PARD6G: variants seen among roughly 807,000 people sequenced by gnomAD.
PARD6G encodes the protein partitioning defective 6 homolog gamma.
Under a neutral mutation model 10.7 loss-of-function variants are expected in PARD6G, and 7 were observed. The ratio of observed to expected loss-of-function variants is 0.66; its 90% confidence interval spans 0.37 to 1.23. The LOEUF is 1.23. PARD6G is among the 50% of genes most tolerant of loss of function. The probability of loss-of-function intolerance (pLI) is 0.02; values close to 1 mark genes in which losing one functional copy is unlikely to be tolerated. For synonymous variants in PARD6G, 287 were observed against 269.4 expected (o/e 1.07, Z -0.64); for missense variants, 548 against 571.8 (o/e 0.96, Z 0.42).
intron 2 of PARD6G, among the ~76,000 whole-genome samples, chr18:80,185,632 ACC>A (rs1014882955): frequency 5.3e-5 from 8 of 151,602 alleles, no homozygotes; most frequent in Admixed American, 1.3e-4. Context: ...ACACACATGC[ACC>A]CTCACACACG....
chr18:80,184,532 C>A lies in PARD6G; in HGVS notation c.295+18178G>T, dbSNP rs62101573. 0.15 allele frequency: 22,290 copies of A among 146,920 alleles called. 2,248 individuals carry two copies. The highest frequency in any genetic ancestry group is 0.4 in the East Asian group (2,055 of 5,076). 9.1% of individuals were successfully genotyped at this position (146,920 alleles called of 1,614,324 possible). On this transcript the variant is annotated intron_variant, in intron 2 of 2. Transcript: ENST00000353265. This position sits in a 1 kb window ranked among gnomAD's most constrained non-coding sequence, Gnocchi z 4.5. ...GGGAGCAAGGCCGTGAAACCCGCAG[C>A]GGGAGCAAGGCAGTGAAACCCTCAG...
At chr18:80,207,845 G>A (rs1291580014) in intron 1 of PARD6G, among the ~76,000 whole-genome samples, 1 of 152,114 alleles carries the variant, frequency 6.6e-6, no homozygotes. Context: ...CAGGGGTAAC[G>A]AAGCATAAGT....
Position 80,200,034 on chromosome 18 carries a change from T to A in PARD6G, c.295+2676A>T, listed in dbSNP as rs1966994626. Among the ~76,000 whole-genome samples, 1 of 152,162 alleles carries A rather than the reference T, an allele frequency of 6.6e-6. No homozygotes were observed. The highest frequency in any genetic ancestry group is 2.4e-5 in the African/African-American group (1 of 41,416). ...TGACTTTTCCTCTGTGATAGTAAAT[T>A]CCCTCTTAACATATATTTAAATAAA... On this transcript the variant is annotated intron_variant, in intron 2 of 2. Transcript: ENST00000353265. The surrounding 1 kb of genome is among the most constrained non-coding windows in gnomAD (Gnocchi z 4.4).
At chr18:80,238,754 C>G (rs1006308948) in intron 1 of PARD6G, among the ~76,000 whole-genome samples, 7 of 151,322 alleles carry the variant, frequency 4.6e-5, no homozygotes, top group African/African-American at 1.7e-4. Flanking sequence ...TCTGGGACAG[C>G]TTCCTGAACA....
chr18:80,240,288 C>T (rs1350106029), intron 1 of PARD6G, among the ~76,000 whole-genome samples: 6 of 152,206 alleles, frequency 3.9e-5, no homozygotes, highest in African/African-American at 1.4e-4. Context: ...TCAATAGTTC[C>T]CAAAAGTCCT....
intron 2 of PARD6G, among the ~76,000 whole-genome samples, chr18:80,194,601 T>A (rs564388104): frequency 1.8e-3 from 278 of 152,060 alleles, no homozygotes; most frequent in Non-Finnish European, 1.9e-3. Context: ...CCCCCCGAGA[T>A]CTTAGTTCCG....
intron 1 of PARD6G, among the ~76,000 whole-genome samples, chr18:80,240,258 C>A (rs1431471771): frequency 6.6e-6 from 1 of 152,232 alleles, no homozygotes; most frequent in Non-Finnish European, 1.5e-5. Context: ...TATGACACTG[C>A]AAAATATAAT....
chr18:80,210,180 GA>G (rs1355715038), intron 1 of PARD6G, among the ~76,000 whole-genome samples: 1 of 152,222 alleles, frequency 6.6e-6, no homozygotes, highest in Non-Finnish European at 1.5e-5. Flanking sequence ...CAGGAAAGAT[GA>G]CAGGACAGTG....
Position 80,159,756 on chromosome 18 carries a change from G to C in PARD6G, c.*15C>G. 7.2e-7 allele frequency: 1 copy of C among 1,385,582 alleles called. No homozygotes were observed. Among genetic ancestry groups the C allele is most frequent in the East Asian group, 3.1e-5 (1 of 32,714 alleles). The allele number at this position is 1,385,582 out of a possible 1,614,324, so 85.8% of individuals were successfully genotyped here. A position where few individuals can be genotyped will look rare whatever the true frequency, so the allele number is the denominator to read the frequency against. ...CCGGGGAACTGGAGCTAGGATTTGG[G>C]GGCCTCTCGGGAGTCTAGAGCGTGA... On this transcript the variant is annotated 3_prime_UTR_variant, in exon 3 of 3. Transcript: ENST00000353265.
chr18:80,167,195 G>A (rs2052741841), intron 2 of PARD6G, among the ~76,000 whole-genome samples: 1 of 152,156 alleles, frequency 6.6e-6, no homozygotes, highest in Non-Finnish European at 1.5e-5. Context: ...GGACGTGTGT[G>A]CAGGATAACA....
At chr18:80,215,404 A>G (rs1350135828) in intron 1 of PARD6G, among the ~76,000 whole-genome samples, 1 of 152,202 alleles carries the variant, frequency 6.6e-6, no homozygotes, top group Non-Finnish European at 1.5e-5. Context: ...CTTCTGATTT[A>G]AAAGGACAAC....
At position 80,174,928 on chromosome 18, in the gene PARD6G, G is replaced by A. The variant is rs188684949; in HGVS notation, c.296-14322C>T. On this transcript the variant is annotated intron_variant, in intron 2 of 2. Transcript: ENST00000353265. ...TGTACCACTGCACTCCAGCCTGGGCGACAGAGCCAGACTCCATCTCAAAAA... is the reference window on the plus strand; with the variant it reads ...TGTACCACTGCACTCCAGCCTGGGCAACAGAGCCAGACTCCATCTCAAAAA... Among the ~76,000 whole-genome samples the A allele has an allele frequency of 2.4e-4, 37 of 151,990 alleles. 1 individual carries two copies. The highest frequency in any genetic ancestry group is 1.2e-3 in the South Asian group (6 of 4,806).
Position 80,159,589 on chromosome 18 carries a change from T to G in PARD6G, c.*182A>C. The G allele has an allele frequency of 9.6e-7, 1 of 1,038,932 alleles. No homozygotes were observed. The highest frequency in any genetic ancestry group is 1.3e-6 in the Non-Finnish European group (1 of 797,654). 64.4% of individuals were successfully genotyped at this position (1,038,932 alleles called of 1,614,324 possible). On this transcript the variant is annotated 3_prime_UTR_variant, in exon 3 of 3. Transcript: ENST00000353265. ...TGTCTCTACAGGCGTTCATTTTAAG[T>G]TCTGTGGCGAAATTCTATAAAAATA...
chr18:80,195,937 T>C (rs753078464), intron 2 of PARD6G, among the ~76,000 whole-genome samples: 4 of 151,826 alleles, frequency 2.6e-5, no homozygotes, highest in Middle Eastern at 3.4e-3. Flanking sequence ...AACGTTACTC[T>C]AGAGCCCTGC....
At chr18:80,171,100 C>T (rs531025495) in intron 2 of PARD6G, 2 of 152,302 alleles carry the variant, frequency 1.3e-5, no homozygotes, top group East Asian at 3.9e-4. Context: ...TATAGAAAAA[C>T]TGGAAGTAAA....
rs1457955420 is a variant in PARD6G, at chr18:80,183,181, C to G, written c.295+19529G>C. 2 of 702,914 alleles carry G rather than the reference C, an allele frequency of 2.8e-6. No homozygotes were observed. Among genetic ancestry groups the G allele is most frequent in the Non-Finnish European group, 5.2e-6 (2 of 384,992 alleles). The allele number at this position is 702,914 out of a possible 1,614,324, so 43.5% of individuals were successfully genotyped here. A position where few individuals can be genotyped will look rare whatever the true frequency, so the allele number is the denominator to read the frequency against. On this transcript the variant is annotated intron_variant, in intron 2 of 2. Coordinates refer to ENST00000353265, the MANE Select transcript of PARD6G (RefSeq NM_032510.4). This position sits in a 1 kb window ranked among gnomAD's most constrained non-coding sequence, Gnocchi z 4.5. Reference sequence around the variant, plus strand: ...GGAAAATTAGTGAAGAAGTGGAGGGCCTTGCAATGTGAAAGGGTGGGAGAG... The same window carrying G: ...GGAAAATTAGTGAAGAAGTGGAGGGGCTTGCAATGTGAAAGGGTGGGAGAG...
chr18:80,160,586 G>T lies in PARD6G; in HGVS notation c.316C>A (p.Leu106Ile). 1 of 1,452,926 alleles carries T rather than the reference G, an allele frequency of 6.9e-7. No homozygotes were observed. 90.0% of individuals were successfully genotyped at this position (1,452,926 alleles called of 1,614,324 possible). The change falls in exon 3 of 3, where the codon CTC becomes ATC. Residue 106 changes from leucine (L) to isoleucine (I), a missense_variant. Physicochemically the swap from Leu to Ile is conservative, Grantham distance 5. Transcript: ENST00000353265. ...QKREEAERGS[L>I]GAGSLCRRRR... is the part of the protein sequence containing the mutation. ...CGCCTGCACAGCGAGCCCGCGCCGA[G>T]GCTGCCACGCTCGGCCTCCTCTGCG...
intron 2 of PARD6G, chr18:80,187,742 G>T (rs535535378): frequency 1.3e-5 from 2 of 152,234 alleles, no homozygotes; most frequent in African/African-American, 2.4e-5. Context: ...GTCAGGCCCC[G>T]TTCGGAGAGA....
At chr18:80,207,471 A>T (rs1385835084) in intron 1 of PARD6G, among the ~76,000 whole-genome samples, 3 of 152,220 alleles carry the variant, frequency 2.0e-5, no homozygotes, top group Admixed American at 1.3e-4. Context: ...TGTAAACGAA[A>T]GATTCTTCAG....
Sources: allele counts gnomAD v4.1 joint callset (sites outside exome capture counted in the v4.1 genomes callset), GRCh38; gene constraint gnomAD v4.1.1; non-coding constraint Gnocchi (gnomAD v3.1); transcripts MANE v1.5; gene names NCBI Gene and HGNC (gene_info 2026-07-23, HGNC 2026-07-21).